The following RIMS1 variants were observed in gnomAD, a reference collection of about 807,000 sequenced individuals.
RIMS1 encodes regulating synaptic membrane exocytosis protein 1.
In RIMS1, 83 loss-of-function variants were observed where a neutral mutation model predicts 214.1. That is an observed-to-expected ratio of 0.39 (90% confidence interval 0.32 to 0.47). The LOEUF is 0.47. RIMS1 is among the 20% of genes least tolerant of loss of function. The pLI is 0.99. For synonymous variants in RIMS1, 793 were observed against 786.8 expected (o/e 1.01, Z -0.13); for missense variants, 2,050 against 2,161.8 (o/e 0.95, Z 1.03).
At chr6:72,258,853 T>C (rs2076893734) in intron 17 of RIMS1, 133 bp from the exon 18 acceptor site, 9 of 831,486 alleles carry the variant, frequency 1.1e-5, no homozygotes, top group African/African-American at 1.7e-5. Flanking sequence ...CATTGATAAG[T>C]AGGTTTTGAT....
intron 23 of RIMS1, among the ~76,000 whole-genome samples, chr6:72,280,024 G>T (rs376337388): frequency 5.0e-4 from 76 of 151,734 alleles, no homozygotes; most frequent in Middle Eastern, 3.4e-3. Context: ...TTTGCTGAAG[G>T]CCAGAAAATT....
At chr6:72,261,753 T>C in intron 19 of RIMS1, 1 of 985,284 alleles carries the variant, frequency 1.0e-6, no homozygotes, top group Non-Finnish European at 1.2e-6. Context: ...GCAAACAAAA[T>C]TGGGCTAATA....
chr6:72,298,636 A>G (rs977345631), intron 26 of RIMS1, among the ~76,000 whole-genome samples: 1 of 151,996 alleles, frequency 6.6e-6, no homozygotes, highest in African/African-American at 2.4e-5. Flanking sequence ...TTGAATGCCA[A>G]AGGTAAAAAA....
At chr6:72,398,658 T>C (rs929153443) in intron 32 of RIMS1, among the ~76,000 whole-genome samples, 2 of 152,126 alleles carry the variant, frequency 1.3e-5, no homozygotes, top group African/African-American at 4.8e-5. Context: ...AGAATATAGT[T>C]CTAATCATAA....
chr6:71,941,794 A>G (rs1786239733), intron 1 of RIMS1, among the ~76,000 whole-genome samples: 1 of 152,140 alleles, frequency 6.6e-6, no homozygotes, highest in Admixed American at 6.5e-5. Context: ...GAACTCATAC[A>G]TTACAGCTTT....
chr6:72,052,744 CGTAT>C (rs1423027594), intron 2 of RIMS1, among the ~76,000 whole-genome samples: 1 of 152,072 alleles, frequency 6.6e-6, no homozygotes, highest in Admixed American at 6.6e-5. Flanking sequence ...CTATTTTTTG[CGTAT>C]GTGTTATTCT....
intron 15 of RIMS1, among the ~76,000 whole-genome samples, chr6:72,251,790 A>G (rs373680603): frequency 1.3e-5 from 2 of 151,946 alleles, no homozygotes; most frequent in East Asian, 1.9e-4. Context: ...GGCTCACTGC[A>G]ACCTGCACCT....
At chr6:72,389,329 T>C (rs1055355228) in intron 29 of RIMS1, among the ~76,000 whole-genome samples, 1 of 152,230 alleles carries the variant, frequency 6.6e-6, no homozygotes, top group African/African-American at 2.4e-5. Flanking sequence ...AAATATTTTG[T>C]AATATACATA....
chr6:72,029,625 A>G (rs890771625), intron 2 of RIMS1, among the ~76,000 whole-genome samples: 2 of 152,162 alleles, frequency 1.3e-5, no homozygotes, highest in African/African-American at 2.4e-5. Context: ...ATTATCCATT[A>G]TAGAATATTT....
At chr6:72,285,237 T>C (rs1406767709) in intron 24 of RIMS1, among the ~76,000 whole-genome samples, 1 of 152,166 alleles carries the variant, frequency 6.6e-6, no homozygotes, top group Admixed American at 6.5e-5. Context: ...GTTCCAAAAT[T>C]ATAGATCACT....
chr6:71,954,871 C>CCACACACACACA (rs113212281), intron 1 of RIMS1, among the ~76,000 whole-genome samples: 18 of 147,308 alleles, frequency 1.2e-4, no homozygotes, highest in African/African-American at 4.2e-4. Context: ...CACACACACT[C>CCACACACACACA]CACACACACA....
At position 72,255,041 on chromosome 6, in the gene RIMS1, G is replaced by A. The variant is rs116433172; in HGVS notation, c.2770+2209G>A. Among the ~76,000 whole-genome samples the A allele has an allele frequency of 3.9e-3, 596 of 152,124 alleles. 8 individuals carry two copies. Among genetic ancestry groups the A allele is most frequent in the African/African-American group, 0.013 (560 of 41,506 alleles). ...AGATCTCCTCATAAATTAAAGGAGA[G>A]CATGTAATTCATTAATATTTTCAGA... On this transcript the variant is annotated intron_variant, in intron 16 of 33. Coordinates refer to ENST00000521978, the MANE Select transcript of RIMS1 (RefSeq NM_014989.7).
At chr6:72,023,048 G>C (rs1270689883) in intron 2 of RIMS1, among the ~76,000 whole-genome samples, 2 of 152,144 alleles carry the variant, frequency 1.3e-5, no homozygotes, top group African/African-American at 2.4e-5. Flanking sequence ...TGTGGAAACA[G>C]TTGAGAATTG....
At chr6:72,070,694 G>A (rs1233171667) in intron 2 of RIMS1, among the ~76,000 whole-genome samples, 1 of 152,090 alleles carries the variant, frequency 6.6e-6, no homozygotes, top group African/African-American at 2.4e-5. Flanking sequence ...AGATTTTTGG[G>A]GGTAGAGCCG....
intron 6 of RIMS1, among the ~76,000 whole-genome samples, chr6:72,231,109 A>G (rs1299853674): frequency 1.3e-5 from 2 of 151,570 alleles, no homozygotes; most frequent in Admixed American, 1.3e-4. Flanking sequence ...GAAATATTAG[A>G]CTCTGAATAT....
At chr6:71,993,836 G>A (rs911213634) in intron 2 of RIMS1, among the ~76,000 whole-genome samples, 1 of 152,090 alleles carries the variant, frequency 6.6e-6, no homozygotes, top group African/African-American at 2.4e-5. Flanking sequence ...TTAAAAACTG[G>A]AGTTCTTTCA....
At chr6:71,904,105 A>G (rs1774571678) in intron 1 of RIMS1, among the ~76,000 whole-genome samples, 1 of 152,058 alleles carries the variant, frequency 6.6e-6, no homozygotes, top group Admixed American at 6.6e-5. Context: ...GAATGGCATT[A>G]TTTCCTTCAG....
chr6:72,240,335 T>G (rs1171566166), intron 9 of RIMS1, among the ~76,000 whole-genome samples: 2 of 152,170 alleles, frequency 1.3e-5, no homozygotes, highest in South Asian at 2.1e-4. Context: ...AACTGCTGGT[T>G]GCAGCTCATT....
At chr6:72,296,827 G>C (rs1444047143) in intron 26 of RIMS1, among the ~76,000 whole-genome samples, 1 of 151,780 alleles carries the variant, frequency 6.6e-6, no homozygotes, top group Non-Finnish European at 1.5e-5. Context: ...CCTATTTTAG[G>C]AATAAGGACA....
Sources: gnomAD v4.1 joint callset for allele counts (sites outside exome capture counted in the v4.1 genomes callset) on GRCh38, gnomAD v4.1.1 for gene constraint, MANE v1.5 for transcripts, NCBI Gene and HGNC (gene_info 2026-07-23, HGNC 2026-07-21) for gene names.